The following KRIT1 variants were observed in gnomAD, a reference collection of about 807,000 sequenced individuals.
KRIT1 encodes the protein KRIT1 ankyrin repeat containing.
Under a neutral mutation model 95.8 loss-of-function variants are expected in KRIT1, and 45 were observed. The observed-to-expected ratio is 0.47, with a 90% confidence interval of 0.37 to 0.60. The LOEUF is 0.60. KRIT1 is among the 20% of genes least tolerant of loss of function. The pLI, the probability that KRIT1 is intolerant of heterozygous loss-of-function variation, is 0.00. For synonymous variants in KRIT1, 282 were observed against 278.8 expected (o/e 1.01, Z -0.11); for missense variants, 788 against 877.5 (o/e 0.90, Z 1.29).
At position 92,208,652 on chromosome 7, in the gene KRIT1, T is replaced by C. The variant is rs376726373; in HGVS notation, c.2025+4543A>G. Among the ~76,000 whole-genome samples, 6 of 151,750 alleles carry C rather than the reference T, an allele frequency of 4.0e-5. 1 individual carries two copies. Among genetic ancestry groups the C allele is most frequent in the African/African-American group, 1.4e-4 (6 of 41,398 alleles). On this transcript the variant is annotated intron_variant, in intron 17 of 18. Transcript: ENST00000394505. ...CCTGGACACAGACAACCTACCAATA[T>C]TGAACCAGGAAGGAAAAGAAAACCT...
chr7:92,223,042 C>T (rs149756508), intron 12 of KRIT1, 64 bp from the exon 13 acceptor site: 965 of 1,034,792 alleles, frequency 9.3e-4, no homozygotes, highest in Non-Finnish European at 1.3e-3. Context: ...TAACAAGATA[C>T]TTTCCTTCAA....
At position 92,214,766 on chromosome 7, in the gene KRIT1, T is replaced by C. The variant is rs1183977344; in HGVS notation, c.1575A>G (p.Pro525=). ...CATCAAAGAGAATAAGAATAGCTAG[T>C]GGGTCTTCAATCTTAAAGGAAAAAG... ...PLEVEKQIED[P]LAILILFDEA... The change falls in exon 15 of 19, where the codon CCA becomes CCG. Residue 525 remains proline, a synonymous_variant. Transcript: ENST00000394505. The C allele has an allele frequency of 1.3e-6, 2 of 1,599,802 alleles. No homozygotes were observed. Among genetic ancestry groups the C allele is most frequent in the Non-Finnish European group, 1.7e-6 (2 of 1,167,356 alleles).
rs376806042 is a variant in KRIT1, at chr7:92,213,244, T to C, written c.1976A>G (p.Tyr659Cys). Residue 659 changes from tyrosine (Y) to cysteine (C), a missense_variant, in exon 17 of 19, where the codon TAT (tyrosine) becomes TGT (cysteine). Coordinates refer to ENST00000394505, the MANE Select transcript of KRIT1 (RefSeq NM_194454.3). ...AAGTCCTTTTATATTCACTCCTACA[T>C]ACACAGGGATGACTTTATGATTGCT... is the stretch of plus-strand genomic sequence containing the variant. ...SPSNHKVIPV[Y>C]VGVNIKGLHL... 3.7e-6 allele frequency: 6 copies of C among 1,613,466 alleles called. No individual in the cohort carries two copies. The highest frequency in any genetic ancestry group is 1.3e-5 in the African/African-American group (1 of 74,926).
At chr7:92,211,738 T>C (rs1282624304) in intron 17 of KRIT1, among the ~76,000 whole-genome samples, 3 of 152,158 alleles carry the variant, frequency 2.0e-5, no homozygotes, top group Non-Finnish European at 4.4e-5. Context: ...TCATTACATA[T>C]TATATGCATG....
chr7:92,245,432 G>A lies in KRIT1; in HGVS notation c.-420-261C>T, dbSNP rs993502450. ...GTGAAAAATAAACTCCTTGCCTGGGGCAACTAGATGTGGAGATGGTTCAGT... is the reference window on the plus strand; with the variant it reads ...GTGAAAAATAAACTCCTTGCCTGGGACAACTAGATGTGGAGATGGTTCAGT... On this transcript the variant is annotated intron_variant, in intron 1 of 18. Transcript: ENST00000394505. The A allele has an allele frequency of 1.2e-4, 18 of 151,596 alleles. 1 individual carries two copies. Among genetic ancestry groups the A allele is most frequent in the African/African-American group, 3.9e-4 (16 of 41,314 alleles). 9.4% of individuals were successfully genotyped at this position (151,596 alleles called of 1,614,324 possible). A position where few individuals can be genotyped will look rare whatever the true frequency, so the allele number is the denominator to read the frequency against.
rs545578730 is a variant in KRIT1 at position 92,243,404 on chromosome 7, TTCTTTCCCAGCTA to T, written c.-3+585_-3+597del. ...AATTTCTAAAAGAACATTAAAGAGT[TTCTTTCCCAGCTA>T]TGTTGAGATGAACTTTCTTCAGTTT... On this transcript the variant is annotated intron_variant, in intron 3 of 18. Transcript: ENST00000394505. Among the ~76,000 whole-genome samples the T allele has an allele frequency of 4.6e-4, 70 of 152,336 alleles. 1 individual carries two copies. The South Asian group carries it at 0.014, about 31-fold the overall frequency.
At position 92,208,304 on chromosome 7, in the gene KRIT1, G is replaced by GA. The variant is rs776926939; in HGVS notation, c.2025+4890dup. On this transcript the variant is annotated intron_variant, in intron 17 of 18. Coordinates refer to ENST00000394505, the MANE Select transcript of KRIT1 (RefSeq NM_194454.3). Reference sequence around the variant, plus strand: ...GCACCTCAAGGAACTAGAAAAGCAAGAAAAAACCAACCCTGAAATTAGCAG... The same window carrying GA: ...GCACCTCAAGGAACTAGAAAAGCAAGAAAAAAACCAACCCTGAAATTAGCAG... Among the ~76,000 whole-genome samples the GA allele has an allele frequency of 4.0e-5, 6 of 149,474 alleles. No homozygotes were observed. The South Asian group carries it at 8.4e-4, about 21-fold the overall frequency.
chr7:92,208,499 T>A (rs1057074223), intron 17 of KRIT1, among the ~76,000 whole-genome samples: 1 of 151,502 alleles, frequency 6.6e-6, no homozygotes, highest in East Asian at 1.9e-4. Context: ...AAAATCCAAA[T>A]AAACAAAATC....
intron 12 of KRIT1, among the ~76,000 whole-genome samples, chr7:92,224,970 T>C (rs1795917625): frequency 6.6e-6 from 1 of 151,662 alleles, no homozygotes; most frequent in African/African-American, 2.4e-5. Context: ...CCATCCTAGC[T>C]AACAGTGAAA....
intron 10 of KRIT1, among the ~76,000 whole-genome samples, chr7:92,232,515 GA>G (rs202080349): frequency 0.041 from 5,303 of 129,492 alleles, 257 homozygotes; most frequent in African/African-American, 0.13. Context: ...ATTAGAGGGG[GA>G]AAAAAAAAAA....
chr7:92,236,602 C>T (rs1467247165), intron 6 of KRIT1, 60 bp from the exon 7 acceptor site: 1 of 1,106,378 alleles, frequency 9.0e-7, no homozygotes, highest in East Asian at 2.4e-5. Flanking sequence ...TGCATGTTTT[C>T]ATCTAAAAAT....
chr7:92,237,973 C>T (rs1046709427), intron 5 of KRIT1, among the ~76,000 whole-genome samples: 1 of 152,040 alleles, frequency 6.6e-6, no homozygotes, highest in East Asian at 1.9e-4. Flanking sequence ...GTCTTGACCC[C>T]TAGAAGAGAA....
Position 92,235,993 on chromosome 7 carries a change from T to C in KRIT1, c.486-347A>G, listed in dbSNP as rs371070290. The C allele has an allele frequency of 2.2e-4, 55 of 251,594 alleles. No homozygotes were observed. In the East Asian group the frequency reaches 3.3e-3, roughly 15 times the overall value. The allele number at this position is 251,594 out of a possible 1,614,324, so 15.6% of individuals were successfully genotyped here. A position where few individuals can be genotyped will look rare whatever the true frequency, so the allele number is the denominator to read the frequency against. ...AATTTTTTAAATGTATGTGCCATTA[T>C]AGTAATAAAAACTCCTTTCAAAAAA... On this transcript the variant is annotated intron_variant, in intron 7 of 18. Transcript: ENST00000394505.
At chr7:92,230,245 C>T (rs553147677) in intron 10 of KRIT1, among the ~76,000 whole-genome samples, 2 of 152,046 alleles carry the variant, frequency 1.3e-5, no homozygotes, top group African/African-American at 2.4e-5. Flanking sequence ...ACTTGCCCAA[C>T]GTCTCATGGT....
chr7:92,235,075 C>T, intron 8 of KRIT1, 152 bp from the exon 9 acceptor site: 2 of 648,038 alleles, frequency 3.1e-6, no homozygotes, highest in Non-Finnish European at 5.5e-6. Flanking sequence ...TCTCAGCACA[C>T]TGCAACCTCC....
intron 17 of KRIT1, among the ~76,000 whole-genome samples, chr7:92,201,750 T>C (rs183299510): frequency 7.2e-5 from 11 of 151,860 alleles, no homozygotes; most frequent in African/African-American, 2.2e-4. Context: ...GTATTCCTCA[T>C]TGTTCAACTC....
intron 17 of KRIT1, among the ~76,000 whole-genome samples, chr7:92,211,270 T>A (rs903775898): frequency 1.3e-5 from 2 of 152,234 alleles, no homozygotes; most frequent in African/African-American, 4.8e-5. Context: ...GGAATCAACC[T>A]AAGTGTCTCC....
At chr7:92,242,914 GGCGAT>G (rs1264166593) in intron 3 of KRIT1, among the ~76,000 whole-genome samples, 1 of 152,084 alleles carries the variant, frequency 6.6e-6, no homozygotes, top group Non-Finnish European at 1.5e-5. Flanking sequence ...CCCGGGTTCA[GGCGAT>G]TCTCCCTCCT....
intron 10 of KRIT1, among the ~76,000 whole-genome samples, chr7:92,233,350 C>T (rs1367760912): frequency 6.6e-6 from 1 of 151,384 alleles, no homozygotes; most frequent in African/African-American, 2.4e-5. Context: ...AATTACCTTG[C>T]TCAATCTAAT....
Sources: gnomAD v4.1 joint callset for allele counts (sites outside exome capture counted in the v4.1 genomes callset) on GRCh38, gnomAD v4.1.1 for gene constraint, MANE v1.5 for transcripts, NCBI Gene and HGNC (gene_info 2026-07-23, HGNC 2026-07-21) for gene names.